Variants in ZSWIM5 observed in about 807,000 individuals in gnomAD.
The protein encoded by ZSWIM5 is zinc finger SWIM domain-containing protein 5.
ZSWIM5 carries 55 observed loss-of-function variants against 119.6 expected under a neutral mutation model. That is an observed-to-expected ratio of 0.46 (90% CI 0.37 to 0.58). The LOEUF is 0.58. ZSWIM5 is among the 20% of genes least tolerant of loss of function. The pLI, the probability that ZSWIM5 is intolerant of heterozygous loss-of-function variation, is 0.00. For missense variants in ZSWIM5, 1,193 were observed against 1,512.8 expected (o/e 0.79, Z 3.51); for synonymous variants, 537 against 606.9 (o/e 0.88, Z 1.69).
chr1:45,126,126 A>C (rs1043196420), intron 1 of ZSWIM5, among the ~76,000 whole-genome samples: 1 of 151,792 alleles, frequency 6.6e-6, no homozygotes, highest in African/African-American at 2.4e-5. Flanking sequence ...TCAAATTAAC[A>C]TAAGTTCCAC....
chr1:45,047,125 A>G (rs1645060895), intron 5 of ZSWIM5, among the ~76,000 whole-genome samples: 2 of 152,066 alleles, frequency 1.3e-5, no homozygotes, highest in African/African-American at 4.8e-5. Flanking sequence ...GACACTTCGA[A>G]GGAACGGTCA....
At chr1:45,089,827 T>G (rs1645353662) in intron 1 of ZSWIM5, among the ~76,000 whole-genome samples, 1 of 151,970 alleles carries the variant, frequency 6.6e-6, no homozygotes, top group South Asian at 2.1e-4. Flanking sequence ...AAAAAAAAAG[T>G]AGCCGGTATG....
chr1:45,168,244 T>C (rs1645920643), intron 1 of ZSWIM5, among the ~76,000 whole-genome samples: 1 of 151,974 alleles, frequency 6.6e-6, no homozygotes, highest in African/African-American at 2.4e-5. Context: ...AAACACCCCG[T>C]GTTCTCGCTC....
intron 1 of ZSWIM5, among the ~76,000 whole-genome samples, chr1:45,191,078 C>G (rs1458541496): frequency 6.6e-6 from 1 of 151,660 alleles, no homozygotes; most frequent in Non-Finnish European, 1.5e-5. Flanking sequence ...TCCCGAGTAG[C>G]TGGGACTACA....
chr1:45,190,588 T>C (rs754087852), intron 1 of ZSWIM5, among the ~76,000 whole-genome samples: 1 of 152,204 alleles, frequency 6.6e-6, no homozygotes, highest in Non-Finnish European at 1.5e-5. Flanking sequence ...AGAGGAAATG[T>C]AGCGCTCGGA....
At chr1:45,144,675 A>G (rs1042496084) in intron 1 of ZSWIM5, among the ~76,000 whole-genome samples, 4 of 152,236 alleles carry the variant, frequency 2.6e-5, no homozygotes, top group South Asian at 2.1e-4. Context: ...ACAAACCTCA[A>G]TCTAAACCTC....
intron 2 of ZSWIM5, among the ~76,000 whole-genome samples, chr1:45,073,663 T>C (rs1369482566): frequency 2.0e-5 from 3 of 151,880 alleles, no homozygotes; most frequent in Non-Finnish European, 4.4e-5. Flanking sequence ...AAATATAAGA[T>C]CATATCATCT....
In ZSWIM5 at chr1:45,051,101, G is replaced by A. The variant is rs1645085809; in HGVS notation, c.1405C>T (p.Leu469Phe). Residue 469 changes from leucine (L) to phenylalanine (F), a missense_variant, in exon 5 of 14, where the codon CTT (leucine) becomes TTT (phenylalanine). Transcript: ENST00000359600. The part of the protein sequence containing the change: ...GHELPNITNA[L>F]PQSAIHSPDS... ...GGGCTGTGAATGGCACTCTGGGGAA[G>A]TGCATTGGTGATGTTGGGCAGCTCA... 1 of 1,614,074 alleles carries A rather than the reference G, an allele frequency of 6.2e-7. No homozygotes were observed. Among genetic ancestry groups the A allele is most frequent in the Non-Finnish European group, 8.5e-7 (1 of 1,179,984 alleles).
At chr1:45,074,786 G>T (rs1051867199) in intron 2 of ZSWIM5, among the ~76,000 whole-genome samples, 1 of 151,258 alleles carries the variant, frequency 6.6e-6, no homozygotes, top group South Asian at 2.1e-4. Flanking sequence ...TGCTTTTCTA[G>T]TTCTTTAAGA....
chr1:45,038,751 G>A (rs893258885), intron 8 of ZSWIM5, among the ~76,000 whole-genome samples, 185 bp downstream of exon 8: 5 of 151,350 alleles, frequency 3.3e-5, no homozygotes, highest in South Asian at 2.1e-4. Context: ...GATTACAGGC[G>A]ACTGACCACA....
intron 1 of ZSWIM5, among the ~76,000 whole-genome samples, chr1:45,186,640 C>G (rs569361332): frequency 6.6e-6 from 1 of 152,086 alleles, no homozygotes; most frequent in Non-Finnish European, 1.5e-5. Flanking sequence ...GTGTCTCGCT[C>G]TGTCACCGAG....
At chr1:45,081,458 G>A (rs1021082313) in intron 2 of ZSWIM5, among the ~76,000 whole-genome samples, 1 of 151,998 alleles carries the variant, frequency 6.6e-6, no homozygotes, top group African/African-American at 2.4e-5. Flanking sequence ...TTGCAGGCGC[G>A]CGCCGCCACG....
chr1:45,204,968 G>A (rs185195476), intron 1 of ZSWIM5, among the ~76,000 whole-genome samples: 180 of 152,180 alleles, frequency 1.2e-3, no homozygotes, highest in Non-Finnish European at 2.0e-3. Flanking sequence ...AGTAAAGGAA[G>A]AAATCATTTG....
chr1:45,111,405 G>T, intron 1 of ZSWIM5, among the ~76,000 whole-genome samples: 1 of 152,220 alleles, frequency 6.6e-6, no homozygotes, highest in Non-Finnish European at 1.5e-5. Flanking sequence ...AAGAAATATA[G>T]TACAGTATGT....
At chr1:45,160,905 T>C (rs1225563677) in intron 1 of ZSWIM5, among the ~76,000 whole-genome samples, 1 of 148,982 alleles carries the variant, frequency 6.7e-6, no homozygotes, top group Non-Finnish European at 1.5e-5. Flanking sequence ...CACTGCAAGC[T>C]CCGCCTCCCG....
intron 1 of ZSWIM5, among the ~76,000 whole-genome samples, chr1:45,162,000 C>A (rs886107682): frequency 6.6e-6 from 1 of 152,202 alleles, no homozygotes; most frequent in Non-Finnish European, 1.5e-5. Context: ...CCTCTGCTCT[C>A]GCTTTTTCTA....
At chr1:45,066,589 T>C (rs1406548439) in intron 2 of ZSWIM5, among the ~76,000 whole-genome samples, 5 of 152,122 alleles carry the variant, frequency 3.3e-5, no homozygotes, top group African/African-American at 9.7e-5. Flanking sequence ...AATACAACTA[T>C]AATAAGGGAG....
In ZSWIM5 at chr1:45,112,662, G is replaced by A. The variant is rs556844116; in HGVS notation, c.596-24425C>T. Reference sequence around the variant, plus strand: ...AAATCTGTGGGCTTCCCTAAGTGTAGTAACTCTTGTAATTTAGCATGACCC... The same window carrying A: ...AAATCTGTGGGCTTCCCTAAGTGTAATAACTCTTGTAATTTAGCATGACCC... On this transcript the variant is annotated intron_variant, in intron 1 of 13. Coordinates refer to ENST00000359600, the MANE Select transcript of ZSWIM5 (RefSeq NM_020883.2). Among the ~76,000 whole-genome samples, 43 of 152,294 alleles carry A rather than the reference G, an allele frequency of 2.8e-4. No homozygotes were observed. In the South Asian group the frequency reaches 8.7e-3, roughly 31 times the overall value.
intron 1 of ZSWIM5, among the ~76,000 whole-genome samples, chr1:45,164,345 G>A (rs563915291): frequency 3.2e-4 from 49 of 152,022 alleles, no homozygotes; most frequent in East Asian, 9.7e-4. Flanking sequence ...AGGAACAACC[G>A]GTACCAGCCA....
Sources: allele counts gnomAD v4.1 joint callset (sites outside exome capture counted in the v4.1 genomes callset), GRCh38; gene constraint gnomAD v4.1.1; transcripts MANE v1.5; gene names NCBI Gene and HGNC (gene_info 2026-07-23, HGNC 2026-07-21).